Variants in TMEM45A observed in about 807,000 individuals in gnomAD.
The protein encoded by TMEM45A is DNA polymerase-transactivated protein 4.
In TMEM45A, 25 loss-of-function variants were observed where a neutral mutation model predicts 32.0. The observed-to-expected ratio is 0.78, with a 90% CI of 0.57 to 1.09. The LOEUF is 1.09. Ranked by LOEUF, TMEM45A falls within the 50% of genes least tolerant of loss-of-function variation. TMEM45A has a pLI of 0.00. For synonymous variants in TMEM45A, 122 were observed against 114.8 expected (o/e 1.06, Z -0.40); for missense variants, 302 against 325.0 (o/e 0.93, Z 0.54).
At chr3:100,509,430 T>A (rs1372301218) in intron 1 of TMEM45A, among the ~76,000 whole-genome samples, 1 of 152,234 alleles carries the variant, frequency 6.6e-6, no homozygotes. Flanking sequence ...ATTTCGCTAC[T>A]GGATATTTAT....
At chr3:100,550,674 G>T (rs547281033) in intron 1 of TMEM45A, among the ~76,000 whole-genome samples, 2 of 152,190 alleles carry the variant, frequency 1.3e-5, no homozygotes, top group Non-Finnish European at 2.9e-5. Context: ...CCTAGTCTGT[G>T]GTTTGTGTGG....
intron 1 of TMEM45A, among the ~76,000 whole-genome samples, chr3:100,503,256 C>A (rs1321487614): frequency 6.6e-6 from 1 of 152,148 alleles, no homozygotes. Flanking sequence ...TAGGCACACA[C>A]CACCACACCC....
chr3:100,494,690 A>T (rs1707897163), intron 1 of TMEM45A, among the ~76,000 whole-genome samples: 1 of 152,162 alleles, frequency 6.6e-6, no homozygotes, highest in African/African-American at 2.4e-5. Flanking sequence ...TACAAAGTGG[A>T]TGGAGCAGCT....
intron 1 of TMEM45A, among the ~76,000 whole-genome samples, chr3:100,525,599 G>A (rs1335082599): frequency 2.0e-5 from 3 of 152,218 alleles, no homozygotes; most frequent in East Asian, 1.9e-4. Context: ...GGAAGGCCTC[G>A]CTGAGGAAGA....
chr3:100,524,189 A>T (rs1296428706), intron 1 of TMEM45A, among the ~76,000 whole-genome samples: 1 of 152,114 alleles, frequency 6.6e-6, no homozygotes, highest in Admixed American at 6.5e-5. Flanking sequence ...GTGCGGGAGG[A>T]TGGTGGGGGA....
At chr3:100,532,218 T>C (rs942803006) in intron 1 of TMEM45A, among the ~76,000 whole-genome samples, 1 of 152,184 alleles carries the variant, frequency 6.6e-6, no homozygotes, top group Non-Finnish European at 1.5e-5. Context: ...GCTGTATTTA[T>C]GAAAAGGTAT....
In TMEM45A at chr3:100,539,456, T is replaced by TATGCATATGCATATGCATATGC. The variant is rs1325083540; in HGVS notation, c.-3-15751_-3-15750insGCATATGCATATGCATATGCAT. On this transcript the variant is annotated intron_variant, in intron 1 of 5. Transcript: ENST00000323523. Reference sequence around the variant, plus strand: ...GGATATGTATATGTATATGTATATGTATATGTATATGTATATGTATATGTA... The same window carrying TATGCATATGCATATGCATATGC: ...GGATATGTATATGTATATGTATATGTATGCATATGCATATGCATATGCATATGTATATGTATATGTATATGTA... Among the ~76,000 whole-genome samples the TATGCATATGCATATGCATATGC allele has an allele frequency of 1.5e-3, 125 of 84,552 alleles. 3 individuals carry two copies. Among genetic ancestry groups the TATGCATATGCATATGCATATGC allele is most frequent in the Non-Finnish European group, 2.2e-3 (91 of 41,696 alleles). 55.5% of individuals were successfully genotyped at this position (84,552 alleles called of 152,430 possible).
At chr3:100,536,462 C>T (rs1424559517) in intron 1 of TMEM45A, among the ~76,000 whole-genome samples, 2 of 152,150 alleles carry the variant, frequency 1.3e-5, no homozygotes, top group Admixed American at 1.3e-4. Flanking sequence ...TCCATGAGAA[C>T]AAAGACCTTG....
chr3:100,504,044 C>T (rs182858099), intron 1 of TMEM45A, among the ~76,000 whole-genome samples: 4 of 152,242 alleles, frequency 2.6e-5, no homozygotes, highest in African/African-American at 9.6e-5. Flanking sequence ...GTGCTCTAGC[C>T]TCTGTATCCT....
rs1463430818 is a variant in TMEM45A, at chr3:100,498,778, T to A, written c.-4+5850T>A. Among the ~76,000 whole-genome samples, 7 of 152,212 alleles carry A rather than the reference T, an allele frequency of 4.6e-5. No individual in the cohort carries two copies. In the East Asian group the frequency reaches 1.3e-3, roughly 29 times the overall value. On this transcript the variant is annotated intron_variant, in intron 1 of 5. Coordinates refer to ENST00000323523, the MANE Select transcript of TMEM45A (RefSeq NM_018004.3). The stretch of plus-strand genomic sequence containing the variant: ...TTGGATTACCCCTTATTTTTAATAT[T>A]TTGAGGAACCATCCTACTGTTTTTT...
rs981254574 is a variant in TMEM45A at position 100,557,608 on chromosome 3, T to C, written c.403+636T>C. Among the ~76,000 whole-genome samples the C allele has an allele frequency of 5.9e-5, 9 of 152,038 alleles. No individual in the cohort carries two copies. The South Asian group carries it at 1.7e-3, about 28-fold the overall frequency. On this transcript the variant is annotated intron_variant, in intron 3 of 5. Coordinates refer to ENST00000323523, the MANE Select transcript of TMEM45A (RefSeq NM_018004.3). ...GTAAAAAATAGATTGATTATGGAAA[T>C]AGATAACCACAAATTGATCAGGAGG...
chr3:100,529,459 C>T (rs1000507316), intron 1 of TMEM45A, among the ~76,000 whole-genome samples: 18 of 152,034 alleles, frequency 1.2e-4, no homozygotes, highest in African/African-American at 1.9e-4. Flanking sequence ...CATGCTGCAG[C>T]GAGGGGATGT....
At chr3:100,532,355 A>G (rs6786070) in intron 1 of TMEM45A, among the ~76,000 whole-genome samples, 39,036 of 151,938 alleles carry the variant, frequency 0.26, 7,053 homozygotes, top group African/African-American at 0.5. Context: ...GTACCTACAC[A>G]TTACTGTAAC....
chr3:100,566,378 T>C (rs1706438830), intron 4 of TMEM45A, among the ~76,000 whole-genome samples: 1 of 152,046 alleles, frequency 6.6e-6, no homozygotes. Context: ...AATAAAAAAT[T>C]AGATAGATAG....
Position 100,556,969 on chromosome 3 carries a change from G to A in TMEM45A, c.400G>A (p.Glu134Lys), listed in dbSNP as rs771960364. 2 of 1,614,126 alleles carry A rather than the reference G, an allele frequency of 1.2e-6. No homozygotes were observed. Among genetic ancestry groups the A allele is most frequent in the Admixed American group, 1.7e-5 (1 of 60,026 alleles). Residue 134 changes from glutamate (E) to lysine (K), a missense_variant, in exon 3 of 6, where the codon GAG (glutamate) becomes AAG (lysine). By Grantham distance (56) the Glu-to-Lys change is moderately conservative. Transcript: ENST00000323523. ...AATGTTGTCAAATGCCTTATTTGTGGAGGGTAAGTGTTAGTGAGTATTTTC... is the reference window on the plus strand; with the variant it reads ...AATGTTGTCAAATGCCTTATTTGTGAAGGGTAAGTGTTAGTGAGTATTTTC... Reference protein sequence around the residue: ...KLMLSNALFVEAFIFYNHTHG... With the variant: ...KLMLSNALFVKAFIFYNHTHG...
intron 1 of TMEM45A, among the ~76,000 whole-genome samples, chr3:100,544,745 T>A (rs2148970064): frequency 6.6e-6 from 1 of 152,350 alleles, no homozygotes; most frequent in East Asian, 1.9e-4. Flanking sequence ...TCCATTCACA[T>A]GTCAATGGGT....
intron 5 of TMEM45A, among the ~76,000 whole-genome samples, chr3:100,576,216 C>T (rs948647629): frequency 3.3e-5 from 5 of 151,980 alleles, no homozygotes; most frequent in Admixed American, 6.6e-5. Context: ...TTTGGGAGGC[C>T]GAGGCAGGTG....
intron 5 of TMEM45A, among the ~76,000 whole-genome samples, chr3:100,575,162 G>T (rs1004816659): frequency 5.3e-5 from 8 of 152,032 alleles, no homozygotes; most frequent in African/African-American, 1.4e-4. Flanking sequence ...GTATTTCTGG[G>T]AGTTAACTAT....
intron 1 of TMEM45A, among the ~76,000 whole-genome samples, chr3:100,515,849 G>A (rs1196711810): frequency 6.6e-6 from 1 of 152,106 alleles, no homozygotes; most frequent in Non-Finnish European, 1.5e-5. Flanking sequence ...GGAAGGGTGT[G>A]GGAGGAGGAT....
Sources: gnomAD v4.1 joint callset for allele counts (sites outside exome capture counted in the v4.1 genomes callset) on GRCh38, gnomAD v4.1.1 for gene constraint, MANE v1.5 for transcripts, NCBI Gene and HGNC (gene_info 2026-07-23, HGNC 2026-07-21) for gene names.